The following RPS6KC1 variants were observed in gnomAD, a reference collection of about 807,000 sequenced individuals.
RPS6KC1 encodes ribosomal protein S6 kinase C1.
A neutral mutation model predicts 103.8 loss-of-function variants in RPS6KC1; 54 were observed. That is an observed-to-expected ratio of 0.52 (90% CI 0.42 to 0.65). The LOEUF (loss-of-function observed/expected upper bound fraction) is 0.65. RPS6KC1 is among the 30% of genes least tolerant of loss of function. The pLI is 0.00. For synonymous variants in RPS6KC1, 439 were observed against 438.7 expected, an observed-to-expected ratio of 1.00 and a Z score of -0.01; for missense variants, 1,151 against 1,253.8, an observed-to-expected ratio of 0.92 and a Z score of 1.24.
At chr1:213,642,216 A>G in the RPS6KC1 span, among the ~76,000 whole-genome samples, 6 of 152,054 alleles carry the variant, frequency 3.9e-5, no homozygotes, top group Non-Finnish European at 8.8e-5. Flanking sequence ...GTTTGATAGT[A>G]CTTTCGTTTT....
chr1:213,772,577 T>G, the RPS6KC1 span, among the ~76,000 whole-genome samples: 3 of 151,108 alleles, frequency 2.0e-5, no homozygotes, highest in Non-Finnish European at 4.4e-5. Context: ...CCGTGGAGGT[T>G]TCCTTCCCAC....
At chr1:213,827,381 G>C in the RPS6KC1 span, among the ~76,000 whole-genome samples, 1 of 152,080 alleles carries the variant, frequency 6.6e-6, no homozygotes, top group African/African-American at 2.4e-5. Flanking sequence ...CTTGCTCCTG[G>C]GCAGGTCCCA....
intron 10 of RPS6KC1, among the ~76,000 whole-genome samples, chr1:213,239,404 A>G (rs1215985169): frequency 6.6e-6 from 1 of 152,168 alleles, no homozygotes; most frequent in Non-Finnish European, 1.5e-5. Flanking sequence ...AAAGAGGTGT[A>G]TGAGAATCCT....
the RPS6KC1 span, among the ~76,000 whole-genome samples, chr1:213,625,666 G>A: frequency 1.3e-5 from 2 of 152,308 alleles, no homozygotes; most frequent in South Asian, 4.2e-4. Flanking sequence ...ACCTATGAGT[G>A]AGAACATGCG....
chr1:213,143,966 A>G (rs1266670746), intron 6 of RPS6KC1, among the ~76,000 whole-genome samples: 2 of 151,830 alleles, frequency 1.3e-5, no homozygotes, highest in Admixed American at 6.6e-5. Context: ...CGCTCTGACC[A>G]TTCTTTCATA....
At chr1:213,604,003 T>A in the RPS6KC1 span, among the ~76,000 whole-genome samples, 1 of 152,244 alleles carries the variant, frequency 6.6e-6, no homozygotes, top group Non-Finnish European at 1.5e-5. Context: ...CTTTGGTCTG[T>A]ACTGGGAAAG....
intron 10 of RPS6KC1, among the ~76,000 whole-genome samples, chr1:213,235,513 G>A (rs1452563171): frequency 6.6e-6 from 1 of 152,130 alleles, no homozygotes; most frequent in Admixed American, 6.6e-5. Flanking sequence ...TTATTGAGAA[G>A]GGACATTTGA....
chr1:213,545,430 T>TAAAATAA, the RPS6KC1 span, among the ~76,000 whole-genome samples: 1,327 of 61,504 alleles, frequency 0.022, 13 homozygotes, highest in Non-Finnish European at 0.033. Flanking sequence ...TAAAATAAAA[T>TAAAATAA]AAAAGAGAGA....
At chr1:213,424,561 G>A in the RPS6KC1 span, among the ~76,000 whole-genome samples, 1 of 152,262 alleles carries the variant, frequency 6.6e-6, no homozygotes, top group Admixed American at 6.5e-5. Context: ...CCATGGGCCT[G>A]GCCCAGGCCA....
intron 5 of RPS6KC1, among the ~76,000 whole-genome samples, chr1:213,123,617 C>T (rs1432775551): frequency 6.6e-6 from 1 of 152,122 alleles, no homozygotes; most frequent in Admixed American, 6.5e-5. Context: ...TTTAGGTATT[C>T]ACTTAAAATC....
At chr1:213,372,003 TGA>T in the RPS6KC1 span, among the ~76,000 whole-genome samples, 1 of 152,218 alleles carries the variant, frequency 6.6e-6, no homozygotes, top group Admixed American at 6.5e-5. Context: ...TCCACCTCTG[TGA>T]GTTTGGGCAA....
chr1:213,704,385 CAAAAAA>C, the RPS6KC1 span, among the ~76,000 whole-genome samples: 35 of 27,660 alleles, frequency 1.3e-3, no homozygotes, highest in Non-Finnish European at 1.3e-3. Context: ...GACTCCGTCT[CAAAAAA>C]AAAAAAAAAA....
chr1:213,111,233 G>C (rs1299827022), intron 4 of RPS6KC1, among the ~76,000 whole-genome samples: 5 of 151,894 alleles, frequency 3.3e-5, no homozygotes, highest in African/African-American at 1.2e-4. Flanking sequence ...TGCCTTTTGG[G>C]GAAAGCATTT....
At chr1:213,614,010 G>A in the RPS6KC1 span, among the ~76,000 whole-genome samples, 1 of 152,198 alleles carries the variant, frequency 6.6e-6, no homozygotes, top group Admixed American at 6.5e-5. Flanking sequence ...CCTCTGATGT[G>A]AAAGACGACC....
chr1:213,541,969 G>A, the RPS6KC1 span, among the ~76,000 whole-genome samples: 1 of 152,190 alleles, frequency 6.6e-6, no homozygotes, highest in African/African-American at 2.4e-5. Context: ...TTGTGTTCTT[G>A]AGATTTCTCC....
the RPS6KC1 span, among the ~76,000 whole-genome samples, chr1:213,639,001 T>C: frequency 1.3e-5 from 2 of 152,044 alleles, no homozygotes; most frequent in African/African-American, 4.8e-5. Flanking sequence ...GTCTCTCCAT[T>C]TATTTATGTC....
chr1:213,133,358 T>C (rs2085873338), intron 6 of RPS6KC1, among the ~76,000 whole-genome samples: 1 of 152,192 alleles, frequency 6.6e-6, no homozygotes. Context: ...AAGGTATCAA[T>C]AAAATGTTTA....
chr1:213,271,742 C>T (rs1293582204), intron 14 of RPS6KC1, among the ~76,000 whole-genome samples: 5 of 122,498 alleles, frequency 4.1e-5, no homozygotes, highest in Admixed American at 1.1e-4. Context: ...CCAGCCTGGG[C>T]GACAGAGCGA....
chr1:213,373,304 A>C, the RPS6KC1 span, among the ~76,000 whole-genome samples: 1 of 152,206 alleles, frequency 6.6e-6, no homozygotes, highest in African/African-American at 2.4e-5. Context: ...TCATTTCTCT[A>C]TGTTAATTAG....
Sources: allele counts gnomAD v4.1 joint callset (sites outside exome capture counted in the v4.1 genomes callset), GRCh38; gene constraint gnomAD v4.1.1; transcripts MANE v1.5; gene names NCBI Gene and HGNC (gene_info 2026-07-23, HGNC 2026-07-21).